Variants in SLC30A7 observed in about 807,000 individuals in gnomAD.
SLC30A7 encodes zinc transporter 7.
In SLC30A7, 35 loss-of-function variants were observed where a neutral mutation model predicts 46.0. The observed-to-expected ratio is 0.76, with a 90% CI of 0.58 to 1.01. The LOEUF (loss-of-function observed/expected upper bound fraction) is 1.01. Ranked by LOEUF, SLC30A7 falls within the 50% of genes least tolerant of loss-of-function variation. The probability of loss-of-function intolerance (pLI) is 0.00; values close to 1 mark genes in which losing one functional copy is unlikely to be tolerated. For missense variants in SLC30A7, 464 were observed against 451.1 expected (o/e 1.03, Z -0.26); for synonymous variants, 147 against 157.8 (o/e 0.93, Z 0.51).
At chr1:100,925,941 A>G (rs1338668807) in intron 8 of SLC30A7, among the ~76,000 whole-genome samples, 8 of 152,300 alleles carry the variant, frequency 5.3e-5, no homozygotes, top group Middle Eastern at 3.4e-3. Context: ...CATGAATGCC[A>G]CAATTCCCAC....
chr1:100,910,030 T>G (rs1459032138), intron 3 of SLC30A7, among the ~76,000 whole-genome samples: 1 of 152,106 alleles, frequency 6.6e-6, no homozygotes, highest in East Asian at 1.9e-4. Flanking sequence ...GATAGAAATA[T>G]GCATTATTTC....
chr1:100,920,863 A>G (rs1652888761), intron 7 of SLC30A7, among the ~76,000 whole-genome samples: 1 of 150,988 alleles, frequency 6.6e-6, no homozygotes, highest in Non-Finnish European at 1.5e-5. Context: ...TTTTAGCAAG[A>G]CATGATTGAA....
chr1:100,984,568 A>G (rs917919545), downstream of SLC30A7, among the ~76,000 whole-genome samples: 13 of 152,332 alleles, frequency 8.5e-5, no homozygotes, highest in Admixed American at 7.2e-4. Context: ...AGATCCAAAG[A>G]GAACTGCAGT....
intron 8 of SLC30A7, among the ~76,000 whole-genome samples, chr1:100,950,440 T>C (rs958007726): frequency 2.0e-5 from 3 of 152,248 alleles, no homozygotes; most frequent in Non-Finnish European, 4.4e-5. Flanking sequence ...CATGTAACTT[T>C]GGAAGTCAGC....
At chr1:100,906,299 G>A (rs939336602) in intron 2 of SLC30A7, among the ~76,000 whole-genome samples, 17 of 152,088 alleles carry the variant, frequency 1.1e-4, no homozygotes, top group South Asian at 6.2e-4. Context: ...GACTTGGTGG[G>A]GAGGGTGGGA....
At chr1:100,942,623 A>G (rs561637140) in intron 8 of SLC30A7, among the ~76,000 whole-genome samples, 176 of 152,362 alleles carry the variant, frequency 1.2e-3, no homozygotes, top group South Asian at 8.5e-3. Context: ...CACAAACTCC[A>G]GAGAAATGGA....
At chr1:100,995,358 C>T in the SLC30A7 span, 4 of 441,254 alleles carry the variant, frequency 9.1e-6, no homozygotes, top group Non-Finnish European at 1.7e-5. Context: ...GGCCCTGAGA[C>T]CATCCTGCTA....
chr1:100,896,743 A>T (rs1351461570), intron 2 of SLC30A7, 72 bp downstream of exon 2: 1 of 1,284,714 alleles, frequency 7.8e-7, no homozygotes, highest in Non-Finnish European at 1.1e-6. Context: ...GCTTAATGCC[A>T]CGTAGCTCCT....
chr1:100,961,222 A>C (rs1339645085), intron 8 of SLC30A7, among the ~76,000 whole-genome samples: 1 of 151,906 alleles, frequency 6.6e-6, no homozygotes, highest in Non-Finnish European at 1.5e-5. Context: ...TGGCTTCCCA[A>C]AGTGCTGGGA....
At chr1:100,954,976 T>G (rs59693595) in intron 8 of SLC30A7, among the ~76,000 whole-genome samples, 2 of 152,052 alleles carry the variant, frequency 1.3e-5, no homozygotes, top group African/African-American at 2.4e-5. Context: ...GTTTGTAGAT[T>G]GTAAGAACCC....
intron 8 of SLC30A7, among the ~76,000 whole-genome samples, chr1:100,928,956 G>T (rs1653491112): frequency 6.6e-6 from 1 of 152,174 alleles, no homozygotes; most frequent in South Asian, 2.1e-4. Context: ...TGACTAAGTT[G>T]TCAGCAAAGG....
chr1:100,990,347 C>G, the SLC30A7 span: 1 of 1,504,412 alleles, frequency 6.6e-7, no homozygotes, highest in Admixed American at 1.7e-5. Context: ...GGGGATACAT[C>G]CAAACCATAT....
chr1:100,933,419 T>A (rs183391323), intron 8 of SLC30A7, among the ~76,000 whole-genome samples: 42 of 152,174 alleles, frequency 2.8e-4, no homozygotes, highest in Middle Eastern at 3.4e-3. Flanking sequence ...ATTTTTTTTT[T>A]AATTTTTTTT....
chr1:100,946,173 A>G (rs910306792), intron 8 of SLC30A7, among the ~76,000 whole-genome samples: 1 of 151,930 alleles, frequency 6.6e-6, no homozygotes, highest in South Asian at 2.1e-4. Context: ...TATCAGCTTA[A>G]GGAGATTTTG....
chr1:100,993,559 AATATATAT>A, the SLC30A7 span, among the ~76,000 whole-genome samples: 636 of 56,530 alleles, frequency 0.011, 21 homozygotes, highest in African/African-American at 0.029. Context: ...CGAAAATATA[AATATATAT>A]ATATATATAT....
intron 8 of SLC30A7, chr1:100,940,985 T>C (rs141015650): frequency 1.1e-5 from 4 of 373,300 alleles, no homozygotes; most frequent in African/African-American, 8.6e-5. Flanking sequence ...CTGGCTCTTC[T>C]CTCCTGCTAA....
chr1:100,920,890 G>A (rs1294091526), intron 7 of SLC30A7, among the ~76,000 whole-genome samples: 1 of 150,626 alleles, frequency 6.6e-6, no homozygotes, highest in African/African-American at 2.4e-5. Flanking sequence ...AAGAATGTTT[G>A]TGGTATAGAA....
chr1:100,986,348 G>A (rs1328305398), downstream of SLC30A7, among the ~76,000 whole-genome samples: 4 of 151,968 alleles, frequency 2.6e-5, no homozygotes, highest in Non-Finnish European at 4.4e-5. Context: ...GGCAGAGGTT[G>A]TGGTGAGCCG....
chr1:100,896,660 C>T lies in SLC30A7; in HGVS notation c.171C>T (p.Ile57=), dbSNP rs1650969355. 1.2e-6 allele frequency: 2 copies of T among 1,613,792 alleles called. No homozygotes were observed. Among genetic ancestry groups the T allele is most frequent in the Non-Finnish European group, 1.7e-6 (2 of 1,179,872 alleles). Residue 57 remains isoleucine (I), a synonymous_variant, in exon 2 of 11, where the codon ATC becomes ATT. Transcript: ENST00000357650. ...SFAFVELLYG[I]WSNCLGLISD... Reference sequence around the variant, plus strand: ...CTTTTGTGGAACTACTCTACGGCATCTGGAGCAACTGGTAACCAAAGGGGA... The same window carrying T: ...CTTTTGTGGAACTACTCTACGGCATTTGGAGCAACTGGTAACCAAAGGGGA...
Sources: allele counts gnomAD v4.1 joint callset (sites outside exome capture counted in the v4.1 genomes callset), GRCh38; gene constraint gnomAD v4.1.1; transcripts MANE v1.5; gene names NCBI Gene and HGNC (gene_info 2026-07-23, HGNC 2026-07-21).